ABCG8: variants seen among roughly 807,000 people sequenced by gnomAD.
The protein encoded by ABCG8 is ATP-binding cassette sub-family G member 8.
ABCG8 carries 81 observed loss-of-function variants against 71.3 expected under a neutral mutation model. That is an observed-to-expected ratio of 1.14 (90% CI 0.95 to 1.37). ABCG8 has a LOEUF of 1.37. Among genes scored for constraint, ABCG8 ranks in the 40% most tolerant of loss-of-function variants. The pLI is 0.00. For missense variants in ABCG8, 1,119 were observed against 866.2 expected, an observed-to-expected ratio of 1.29 and a Z score of -3.66; for synonymous variants, 451 against 354.7, an observed-to-expected ratio of 1.27 and a Z score of -3.05.
At chr2:43,846,785 T>A in intron 3 of ABCG8, 1 of 190,448 alleles carries the variant, frequency 5.3e-6, no homozygotes. Context: ...AAGAGCCAGG[T>A]TCTTGGAGTG....
rs762022822 is a variant in ABCG8, at chr2:43,875,386, A to G, written c.1729A>G (p.Met577Val). The G allele has an allele frequency of 1.9e-6, 3 of 1,613,986 alleles. No individual in the cohort carries two copies. The East Asian group carries it at 6.7e-5, about 36-fold the overall frequency. The change falls in exon 11 of 13, where the codon ATG becomes GTG. Residue 577 changes from methionine to valine, a missense_variant. By Grantham distance (21) the Met-to-Val change is conservative. Coordinates refer to ENST00000272286, the MANE Select transcript of ABCG8 (RefSeq NM_022437.3). ...CTCCTTCTACCTCGCCGGGGGCTTC[A>G]TGATAAACTTGAGCAGCCTGTGGAC... ...YNSFYLAGGF[M>V]INLSSLWTVP...
At chr2:43,849,760 T>C (rs1423901060) in intron 3 of ABCG8, among the ~76,000 whole-genome samples, 1 of 152,184 alleles carries the variant, frequency 6.6e-6, no homozygotes, top group Non-Finnish European at 1.5e-5. Flanking sequence ...CAGGTTTCTC[T>C]CCTGGCTATT....
chr2:43,880,452 G>GTGTGACCC lies in ABCG8; in HGVS notation c.*2540_*2547dup, dbSNP rs942605653. ...GCCTCCCAAAGTGTTGGGATTACAG[G>GTGTGACCC]TGTGACCCACCGCACCTGGTGTCAC... On this transcript the variant is annotated 3_prime_UTR_variant, in exon 13 of 13. Transcript: ENST00000272286. 22 of 152,324 alleles carry GTGTGACCC rather than the reference G, an allele frequency of 1.4e-4. No individual in the cohort carries two copies. The highest frequency in any genetic ancestry group is 5.1e-4 in the African/African-American group (21 of 41,562). 9.4% of individuals were successfully genotyped at this position (152,324 alleles called of 1,614,324 possible).
intron 6 of ABCG8, among the ~76,000 whole-genome samples, chr2:43,853,555 C>T (rs1383258969): frequency 1.3e-5 from 2 of 152,156 alleles, no homozygotes; most frequent in Admixed American, 1.3e-4. Flanking sequence ...CTATAGGTCG[C>T]CTGAGCCCCC....
At chr2:43,852,033 C>T (rs1014042473) in intron 4 of ABCG8, among the ~76,000 whole-genome samples, 1 of 152,256 alleles carries the variant, frequency 6.6e-6, no homozygotes, top group East Asian at 1.9e-4. Context: ...CATTGGTTCC[C>T]TTCACTGCAC....
chr2:43,854,578 G>A (rs1422358539), intron 6 of ABCG8, among the ~76,000 whole-genome samples: 1 of 140,862 alleles, frequency 7.1e-6, no homozygotes, highest in Non-Finnish European at 1.5e-5. Flanking sequence ...AGTGAGCTGA[G>A]ATTGTGCCAC....
Position 43,846,068 on chromosome 2 carries a change from C to T in ABCG8, c.166-87C>T, listed in dbSNP as rs187074805. ...ACATATCCTCTGTGGAGAGGGGCCA[C>T]CTGGGGAACGAAGATGCTGAACAGA... is the stretch of plus-strand genomic sequence containing the variant. On this transcript the variant is annotated intron_variant, in intron 2 of 12. Coordinates refer to ENST00000272286, the MANE Select transcript of ABCG8 (RefSeq NM_022437.3). 2.0e-4 allele frequency: 291 copies of T among 1,474,234 alleles called. 1 individual carries two copies. In the African/African-American group the frequency reaches 3.6e-3, roughly 18 times the overall value. The allele number at this position is 1,474,234 out of a possible 1,614,324, so 91.3% of individuals were successfully genotyped here. A position where few individuals can be genotyped will look rare whatever the true frequency, so the allele number is the denominator to read the frequency against.
In ABCG8 at chr2:43,872,067, A is replaced by G; in HGVS notation, c.1056A>G (p.Lys352=). ...CACTCGCAGCCCTGTTTCTAGAAAA[A>G]GTGCGTGACTTAGATGACTTTCTAT... ...AQSLAALFLE[K]VRDLDDFLWK... Residue 352 remains lysine, a synonymous_variant, in exon 7 of 13, where the codon AAA becomes AAG. Transcript: ENST00000272286. The G allele has an allele frequency of 6.2e-7, 1 of 1,614,144 alleles. No individual in the cohort carries two copies. Among genetic ancestry groups the G allele is most frequent in the Non-Finnish European group, 8.5e-7 (1 of 1,180,042 alleles).
chr2:43,852,000 GCC>G (rs1376203154), intron 4 of ABCG8, among the ~76,000 whole-genome samples, 178 bp downstream of exon 4: 3 of 152,168 alleles, frequency 2.0e-5, no homozygotes, highest in Non-Finnish European at 4.4e-5. Context: ...AAACCCCACA[GCC>G]CGCCAGAAGC....
At chr2:43,855,691 T>G (rs1198537099) in intron 6 of ABCG8, among the ~76,000 whole-genome samples, 1 of 152,096 alleles carries the variant, frequency 6.6e-6, no homozygotes, top group African/African-American at 2.4e-5. Context: ...GATAAAATTC[T>G]CACCATCGGG....
chr2:43,854,251 C>A (rs1324184367), intron 6 of ABCG8, among the ~76,000 whole-genome samples: 1 of 152,218 alleles, frequency 6.6e-6, no homozygotes, highest in East Asian at 1.9e-4. Context: ...ATGTTTTGAG[C>A]TACAGTGCTG....
Position 43,852,401 on chromosome 2 carries a change from C to A in ABCG8, c.609C>A (p.Thr203=), listed in dbSNP as rs1268619474. 1 of 1,612,288 alleles carries A rather than the reference C, an allele frequency of 6.2e-7. No homozygotes were observed. The highest frequency in any genetic ancestry group is 1.7e-5 in the Admixed American group (1 of 60,012). ...AELRLRQCAD[T]RVGNMYVRGL... ...TGCGGCTTAGGCAGTGCGCTGACAC[C>A]CGCGTGGGCAACATGTACGTGCGGG... The change falls in exon 5 of 13, where the codon ACC becomes ACA. Residue 203 remains threonine, a synonymous_variant. Transcript: ENST00000272286.
At chr2:43,850,450 A>G (rs958535223) in intron 3 of ABCG8, among the ~76,000 whole-genome samples, 1 of 152,156 alleles carries the variant, frequency 6.6e-6, no homozygotes, top group African/African-American at 2.4e-5. Context: ...AGTGCAATGA[A>G]TCTTTTTTTA....
At chr2:43,870,419 A>G (rs147821189) in intron 6 of ABCG8, among the ~76,000 whole-genome samples, 4 of 151,240 alleles carry the variant, frequency 2.6e-5, no homozygotes, top group South Asian at 4.2e-4. Flanking sequence ...AACTCTCACT[A>G]TCTATCTGGA....
At chr2:43,872,184 G>T (rs1480954621) in intron 7 of ABCG8, 39 bp from the exon 8 acceptor site, 1 of 1,613,904 alleles carries the variant, frequency 6.2e-7, no homozygotes, top group Non-Finnish European at 8.5e-7. Context: ...TGCAGAAGGT[G>T]GCTGCCCCCA....
rs1670016016 is a variant in ABCG8, at chr2:43,877,881, T to C, written c.1990T>C (p.Phe664Leu). 4 of 1,613,888 alleles carry C rather than the reference T, an allele frequency of 2.5e-6. No homozygotes were observed. The highest frequency in any genetic ancestry group is 1.3e-5 in the African/African-American group (1 of 74,868). ...GGTCCTGTACTACGTGTCCTTAAGG[T>C]TCATCAAACAGAAACCAAGTCAAGA... ...FMVLYYVSLR[F>L]IKQKPSQDW The change falls in exon 13 of 13, where the codon TTC becomes CTC. Residue 664 changes from phenylalanine (F) to leucine (L), a missense_variant. Phe to Leu is a conservative substitution (Grantham distance 22). Coordinates refer to ENST00000272286, the MANE Select transcript of ABCG8 (RefSeq NM_022437.3).
chr2:43,839,252 G>A, intron 1 of ABCG8, 136 bp downstream of exon 1: 1 of 973,338 alleles, frequency 1.0e-6, no homozygotes, highest in Admixed American at 2.1e-5. Flanking sequence ...CCGCAGGACT[G>A]TTTCCTGCAT....
At chr2:43,842,766 G>A (rs896593367) in intron 1 of ABCG8, among the ~76,000 whole-genome samples, 7 of 132,596 alleles carry the variant, frequency 5.3e-5, no homozygotes, top group African/African-American at 1.9e-4. Flanking sequence ...TGAATTAGGT[G>A]TTTATCTTTC....
chr2:43,866,118 G>T (rs1190442223), intron 6 of ABCG8, among the ~76,000 whole-genome samples: 1 of 151,990 alleles, frequency 6.6e-6, no homozygotes, highest in African/African-American at 2.4e-5. Context: ...TTAATAAATG[G>T]TGCTGGGAAA....
Sources: gnomAD v4.1 joint callset for allele counts (sites outside exome capture counted in the v4.1 genomes callset) on GRCh38, gnomAD v4.1.1 for gene constraint, MANE v1.5 for transcripts, NCBI Gene and HGNC (gene_info 2026-07-23, HGNC 2026-07-21) for gene names.